Variants in GALNTL6 observed in about 807,000 individuals in gnomAD.
GALNTL6 encodes the protein polypeptide N-acetylgalactosaminyltransferase like 6.
A neutral mutation model predicts 73.7 loss-of-function variants in GALNTL6; 46 were observed. The ratio of observed to expected loss-of-function variants is 0.62; its 90% CI spans 0.49 to 0.80. The LOEUF is 0.80. GALNTL6 is among the 30% of genes least tolerant of loss of function. GALNTL6 has a pLI of 0.00. For synonymous variants in GALNTL6, 259 were observed against 263.7 expected (o/e 0.98, Z 0.17); for missense variants, 604 against 755.0 (o/e 0.80, Z 2.34).
At chr4:172,017,512 G>A (rs1741240463) in intron 2 of GALNTL6, among the ~76,000 whole-genome samples, 1 of 152,024 alleles carries the variant, frequency 6.6e-6, no homozygotes, top group Admixed American at 6.6e-5. Context: ...TACAGTGCCA[G>A]GGGAGAACAA....
At chr4:172,984,418 C>T (rs989086312) in intron 10 of GALNTL6, among the ~76,000 whole-genome samples, 14 of 152,168 alleles carry the variant, frequency 9.2e-5, no homozygotes, top group African/African-American at 2.2e-4. Context: ...GAAACCGCCC[C>T]CATGATTCCA....
chr4:171,904,414 T>A (rs1304889964), intron 2 of GALNTL6, among the ~76,000 whole-genome samples: 1 of 151,760 alleles, frequency 6.6e-6, no homozygotes, highest in Non-Finnish European at 1.5e-5. Flanking sequence ...ATGAAATGAA[T>A]GAAACAAAGA....
intron 2 of GALNTL6, among the ~76,000 whole-genome samples, chr4:172,093,939 T>G (rs1732279225): frequency 6.6e-6 from 1 of 152,168 alleles, no homozygotes; most frequent in Non-Finnish European, 1.5e-5. Flanking sequence ...TATTACAATG[T>G]CATAATAGAA....
intron 5 of GALNTL6, among the ~76,000 whole-genome samples, chr4:172,487,322 C>CT (rs1733717383): frequency 8.9e-6 from 1 of 111,994 alleles, no homozygotes; most frequent in Non-Finnish European, 2.0e-5. Flanking sequence ...TTCTTTCTTT[C>CT]TTTCTTTCTT....
At chr4:172,693,799 A>G (rs993542032) in intron 5 of GALNTL6, among the ~76,000 whole-genome samples, 2 of 152,168 alleles carry the variant, frequency 1.3e-5, no homozygotes, top group Non-Finnish European at 2.9e-5. Context: ...GAAGCCTTGG[A>G]ATCTGCATAT....
At chr4:172,827,814 G>T (rs1742347052) in intron 7 of GALNTL6, among the ~76,000 whole-genome samples, 1 of 151,818 alleles carries the variant, frequency 6.6e-6, no homozygotes, top group Non-Finnish European at 1.5e-5. Context: ...AAATAAAGAA[G>T]AAAAATTTTA....
At chr4:172,113,491 T>C (rs1335856877) in intron 2 of GALNTL6, among the ~76,000 whole-genome samples, 1 of 152,032 alleles carries the variant, frequency 6.6e-6, no homozygotes, top group African/African-American at 2.4e-5. Context: ...ACAATGACTA[T>C]ATAAAATGTT....
chr4:172,235,096 CAT>C (rs1170788205), intron 3 of GALNTL6, among the ~76,000 whole-genome samples: 1 of 152,134 alleles, frequency 6.6e-6, no homozygotes, highest in Non-Finnish European at 1.5e-5. Flanking sequence ...CTTATGTCCT[CAT>C]AAGATTTTCG....
At chr4:172,116,546 A>G (rs1009377085) in intron 2 of GALNTL6, among the ~76,000 whole-genome samples, 7 of 152,192 alleles carry the variant, frequency 4.6e-5, no homozygotes, top group Non-Finnish European at 1.0e-4. Context: ...CTGGGATTAC[A>G]GGCATAGGCT....
chr4:172,239,255 T>A lies in GALNTL6; in HGVS notation c.247+9491T>A, dbSNP rs1260213977. 1.2e-4 allele frequency among the ~76,000 whole-genome samples: 18 copies of A among 152,226 alleles called. No individual in the cohort carries two copies. In the East Asian group the frequency reaches 3.3e-3, roughly 28 times the overall value. On this transcript the variant is annotated intron_variant, in intron 3 of 12. Coordinates refer to ENST00000506823, the MANE Select transcript of GALNTL6 (RefSeq NM_001034845.3). ...ACTTTTCCTGGTTGGTAGCCTTTTT[T>A]CTTATTCCATTTCAGAATCAATTAT...
intron 5 of GALNTL6, among the ~76,000 whole-genome samples, chr4:172,486,978 A>C (rs967893871): frequency 6.6e-6 from 1 of 152,216 alleles, no homozygotes; most frequent in East Asian, 1.9e-4. Flanking sequence ...TAAATCACCT[A>C]TTTCATTAAA....
At chr4:172,210,773 A>C (rs992878359) in intron 2 of GALNTL6, among the ~76,000 whole-genome samples, 2 of 152,128 alleles carry the variant, frequency 1.3e-5, no homozygotes, top group Admixed American at 1.3e-4. Context: ...GTTACGTTCC[A>C]CCTAGTTGAG....
At chr4:172,376,169 G>C (rs1743022966) in intron 5 of GALNTL6, among the ~76,000 whole-genome samples, 2 of 152,150 alleles carry the variant, frequency 1.3e-5, no homozygotes, top group Non-Finnish European at 2.9e-5. Flanking sequence ...CAGAATCCTG[G>C]AGTTTATACT....
intron 2 of GALNTL6, among the ~76,000 whole-genome samples, chr4:172,226,226 T>G (rs2110959383): frequency 6.6e-6 from 1 of 152,326 alleles, no homozygotes; most frequent in African/African-American, 2.4e-5. Flanking sequence ...AACGTGTATA[T>G]CACTGTTCTC....
intron 2 of GALNTL6, among the ~76,000 whole-genome samples, chr4:171,818,996 G>A (rs1338458134): frequency 3.3e-5 from 5 of 150,514 alleles, no homozygotes; most frequent in African/African-American, 7.5e-5. Flanking sequence ...AACTGTCTTA[G>A]GCATTTTTTT....
At chr4:172,373,568 G>A (rs906891575) in intron 5 of GALNTL6, among the ~76,000 whole-genome samples, 1 of 152,146 alleles carries the variant, frequency 6.6e-6, no homozygotes, top group Non-Finnish European at 1.5e-5. Flanking sequence ...GAAAAGAGGT[G>A]GGGTCTTTTA....
Position 172,518,330 on chromosome 4 carries a change from C to A in GALNTL6, c.553+169641C>A, listed in dbSNP as rs61153920. Among the ~76,000 whole-genome samples the A allele has an allele frequency of 8.7e-3, 1,319 of 151,786 alleles. 22 individuals carry two copies. Among genetic ancestry groups the A allele is most frequent in the African/African-American group, 0.031 (1,265 of 41,454 alleles). Reference sequence around the variant, plus strand: ...AAAAGATTCTGGATAAATAATTTAGCCTAAAAATAATGTGTGGTCCTGATT... The same window carrying A: ...AAAAGATTCTGGATAAATAATTTAGACTAAAAATAATGTGTGGTCCTGATT... On this transcript the variant is annotated intron_variant, in intron 5 of 12. Coordinates refer to ENST00000506823, the MANE Select transcript of GALNTL6 (RefSeq NM_001034845.3).
At chr4:172,734,874 G>A (rs917675827) in intron 5 of GALNTL6, among the ~76,000 whole-genome samples, 3 of 152,176 alleles carry the variant, frequency 2.0e-5, no homozygotes, top group Non-Finnish European at 4.4e-5. Flanking sequence ...AGCTTCAGAG[G>A]GTGCAATCCC....
At chr4:172,811,481 A>G (rs1309014707) in intron 6 of GALNTL6, among the ~76,000 whole-genome samples, 1 of 152,228 alleles carries the variant, frequency 6.6e-6, no homozygotes, top group East Asian at 1.9e-4. Context: ...CAGGGATGAG[A>G]GAAAAAATAT....
Sources: allele counts gnomAD v4.1 joint callset (sites outside exome capture counted in the v4.1 genomes callset), GRCh38; gene constraint gnomAD v4.1.1; transcripts MANE v1.5; gene names NCBI Gene and HGNC (gene_info 2026-07-23, HGNC 2026-07-21).